Variants in FAM107A observed in about 807,000 individuals in gnomAD.
FAM107A encodes actin-associated protein FAM107A.
Under a neutral mutation model 13.7 loss-of-function variants are expected in FAM107A, and 19 were observed. The ratio of observed to expected loss-of-function variants is 1.38; its 90% CI spans 0.97 to 2.03. The LOEUF (loss-of-function observed/expected upper bound fraction) is 2.03. Among genes scored for constraint, FAM107A ranks in the 30% most tolerant of loss-of-function variants. The pLI is 0.00. For missense variants in FAM107A, 203 were observed against 184.4 expected, an observed-to-expected ratio of 1.10 and a Z score of -0.58; for synonymous variants, 82 against 74.5, an observed-to-expected ratio of 1.10 and a Z score of -0.52.
intron 3 of FAM107A, 66 bp from the exon 4 acceptor site, chr3:58,566,761 T>G: frequency 7.4e-7 from 1 of 1,347,690 alleles, no homozygotes; most frequent in Non-Finnish European, 1.1e-6. Context: ...TGAAAACCTG[T>G]GGAGTTTGGA....
At chr3:58,622,257 G>A (rs1242798800) in intron 1 of FAM107A, among the ~76,000 whole-genome samples, 1 of 152,142 alleles carries the variant, frequency 6.6e-6, no homozygotes, top group East Asian at 1.9e-4. Flanking sequence ...TGGCCAACAT[G>A]ACAAAACCCC....
chr3:58,607,072 A>C (rs1180302942), intron 1 of FAM107A: 2 of 152,202 alleles, frequency 1.3e-5, no homozygotes, highest in Middle Eastern at 3.2e-3. Flanking sequence ...CTTCCCCCTT[A>C]ACCCAGGGCT....
At chr3:58,620,963 C>T (rs1415369620) in intron 1 of FAM107A, among the ~76,000 whole-genome samples, 1 of 152,176 alleles carries the variant, frequency 6.6e-6, no homozygotes, top group African/African-American at 2.4e-5. Flanking sequence ...TCTACACTCA[C>T]CTTCTGCCCC....
upstream of FAM107A, among the ~76,000 whole-genome samples, chr3:58,589,441 G>GTGT (rs1005081753): frequency 2.6e-5 from 4 of 152,156 alleles, no homozygotes; most frequent in Admixed American, 2.6e-4. Flanking sequence ...ATGTGTGTGT[G>GTGT]TGTGTGTATG....
chr3:58,609,881 G>A (rs1025616056), intron 1 of FAM107A, among the ~76,000 whole-genome samples: 3 of 152,194 alleles, frequency 2.0e-5, no homozygotes, highest in Admixed American at 6.5e-5. Context: ...CTAGAGGGTC[G>A]GGGCAGGAGG....
chr3:58,616,706 CT>C (rs1424224762), intron 1 of FAM107A, among the ~76,000 whole-genome samples: 1 of 152,174 alleles, frequency 6.6e-6, no homozygotes, highest in Non-Finnish European at 1.5e-5. Context: ...GGAGCACTCC[CT>C]GCCGACACCC....
intron 1 of FAM107A, among the ~76,000 whole-genome samples, chr3:58,585,237 G>A (rs973175679): frequency 6.6e-6 from 1 of 152,238 alleles, no homozygotes; most frequent in Non-Finnish European, 1.5e-5. Context: ...CCCCTCCGCA[G>A]CTTTGAGAGA....
At chr3:58,571,751 T>C (rs2063686031) in intron 1 of FAM107A, among the ~76,000 whole-genome samples, 1 of 152,220 alleles carries the variant, frequency 6.6e-6, no homozygotes, top group Non-Finnish European at 1.5e-5. Context: ...TGAGTAATTC[T>C]CAGCTACGCT....
At chr3:58,586,805 C>T (rs2065610456) in intron 1 of FAM107A, 2 of 1,498,790 alleles carry the variant, frequency 1.3e-6, no homozygotes. Context: ...CCGTGCACCA[C>T]AGAGCCCTCC....
At position 58,594,760 on chromosome 3, in the gene FAM107A, G is replaced by A. The variant is rs373614093; in HGVS notation, c.-69-5491C>T. Among the ~76,000 whole-genome samples, 13 of 152,188 alleles carry A rather than the reference G, an allele frequency of 8.5e-5. No homozygotes were observed. The East Asian group carries it at 1.9e-3, about 23-fold the overall frequency. On this transcript the variant is annotated intron_variant, in intron 1 of 3. Coordinates refer to the FAM107A transcript ENST00000465970. Reference sequence around the variant, plus strand: ...CCACTTACTCACTGCTGAAAAAAGAGGACTGTATATTTTCAAATGAAGAGT... The same window carrying A: ...CCACTTACTCACTGCTGAAAAAAGAAGACTGTATATTTTCAAATGAAGAGT...
rs1205449384 is a variant in FAM107A, at chr3:58,617,409, C to T, written c.-70+10007G>A. Among the ~76,000 whole-genome samples, 1 of 152,132 alleles carries T rather than the reference C, an allele frequency of 6.6e-6. No homozygotes were observed. Among genetic ancestry groups the T allele is most frequent in the Non-Finnish European group, 1.5e-5 (1 of 68,018 alleles). On this transcript the variant is annotated intron_variant, in intron 1 of 3. Transcript: ENST00000465970. This position sits in a 1 kb window ranked among gnomAD's most constrained non-coding sequence, Gnocchi z 4.5. ...CACCTCAGGCCCCGTCCTGAGCTTC[C>T]TGAGGAGCCGGATGTCACCTAGACC... is the stretch of plus-strand genomic sequence containing the variant.
chr3:58,588,337 C>T (rs142337648), upstream of FAM107A, among the ~76,000 whole-genome samples: 425 of 152,358 alleles, frequency 2.8e-3, 2 homozygotes, highest in Middle Eastern at 6.8e-3. Flanking sequence ...AGCCTTGGTA[C>T]CTTCAAGGCC....
chr3:58,565,411 A>T lies in FAM107A; in HGVS notation c.*1177T>A, dbSNP rs1333700766. On this transcript the variant is annotated 3_prime_UTR_variant, in exon 4 of 4. Transcript: ENST00000360997. ...TCATTGTATATTTGCTTTCCATAAGACTAGGAAAAAGTAAAAAAAAAAAAT... is the reference window on the plus strand; with the variant it reads ...TCATTGTATATTTGCTTTCCATAAGTCTAGGAAAAAGTAAAAAAAAAAAAT... 1.4e-5 allele frequency: 2 copies of T among 146,096 alleles called. No homozygotes were observed. The highest frequency in any genetic ancestry group is 5.0e-5 in the African/African-American group (2 of 39,800). The allele number at this position is 146,096 out of a possible 1,614,324, so 9.0% of individuals were successfully genotyped here.
chr3:58,591,389 T>C (rs1022318013), upstream of FAM107A, among the ~76,000 whole-genome samples: 1 of 152,140 alleles, frequency 6.6e-6, no homozygotes, highest in Non-Finnish European at 1.5e-5. The surrounding 1 kb of genome is among the most constrained non-coding windows in gnomAD (Gnocchi z 4.3). Flanking sequence ...GGTTCCGAGC[T>C]GGGCTGTGCC....
intron 1 of FAM107A, among the ~76,000 whole-genome samples, chr3:58,619,384 A>G (rs917524710): frequency 6.6e-6 from 1 of 152,082 alleles, no homozygotes; most frequent in Admixed American, 6.5e-5. Context: ...GTGCCACCGA[A>G]CCAAATCTGT....
intron 1 of FAM107A, among the ~76,000 whole-genome samples, chr3:58,599,808 C>T (rs923897181): frequency 7.5e-6 from 1 of 132,908 alleles, no homozygotes; most frequent in Non-Finnish European, 1.6e-5. Context: ...ACATTTGCCT[C>T]CTGGATTCAA....
upstream of FAM107A, chr3:58,587,127 G>C: frequency 1.5e-6 from 2 of 1,364,374 alleles, no homozygotes; most frequent in Non-Finnish European, 1.9e-6. Context: ...GGGGGGCAGG[G>C]GCCAGGGCAG....
chr3:58,598,127 C>T (rs561229188), intron 1 of FAM107A, among the ~76,000 whole-genome samples: 87 of 152,278 alleles, frequency 5.7e-4, no homozygotes, highest in African/African-American at 2.0e-3. Context: ...ACGCTCACCC[C>T]GAGCCTCCAC....
In FAM107A at chr3:58,625,856, G is replaced by A. The variant is rs376267936; in HGVS notation, c.-70+1560C>T. On this transcript the variant is annotated intron_variant, in intron 1 of 3. Coordinates refer to the FAM107A transcript ENST00000465970. The stretch of plus-strand genomic sequence containing the variant: ...CCACTAGCTGCATGACCCTGGCTAA[G>A]AAATTACTTCTTCCTTGAGTTTCTC... Among the ~76,000 whole-genome samples the A allele has an allele frequency of 6.2e-4, 95 of 152,360 alleles. 1 individual carries two copies. The highest frequency in any genetic ancestry group is 2.1e-3 in the African/African-American group (87 of 41,590).
Sources: allele counts gnomAD v4.1 joint callset (sites outside exome capture counted in the v4.1 genomes callset), GRCh38; gene constraint gnomAD v4.1.1; non-coding constraint Gnocchi (gnomAD v3.1); transcripts MANE v1.5; gene names NCBI Gene and HGNC (gene_info 2026-07-23, HGNC 2026-07-21).